The following HK3 variants were observed in gnomAD, a reference collection of about 807,000 sequenced individuals.
HK3 encodes hexokinase-3.
Under a neutral mutation model 91.0 loss-of-function variants are expected in HK3, and 93 were observed. The observed-to-expected ratio is 1.02, with a 90% CI of 0.86 to 1.21. HK3 has a LOEUF of 1.21. HK3 is among the 50% of genes most tolerant of loss of function. The pLI, the probability that HK3 is intolerant of heterozygous loss-of-function variation, is 0.00. For synonymous variants in HK3, 519 were observed against 516.9 expected (o/e 1.00, Z -0.06); for missense variants, 1,235 against 1,247.4 (o/e 0.99, Z 0.15).
Position 176,884,276 on chromosome 5 carries a change from G to A in HK3, c.1858-142C>T, listed in dbSNP as rs759510279. The stretch of plus-strand genomic sequence containing the variant: ...TCCTTGCCTACTTTGCTGTATGGTT[G>A]AAGGCCTTGCCCTCTGCCCGCTCCC... On this transcript the variant is annotated intron_variant, in intron 13 of 18. Transcript: ENST00000292432. This position sits in a 1 kb window ranked among gnomAD's most constrained non-coding sequence, Gnocchi z 4.1. 9.6e-6 allele frequency: 7 copies of A among 732,476 alleles called. No homozygotes were observed. Among genetic ancestry groups the A allele is most frequent in the Non-Finnish European group, 1.7e-5 (7 of 422,984 alleles). The allele number at this position is 732,476 out of a possible 1,614,324, so 45.4% of individuals were successfully genotyped here.
In HK3 at chr5:176,880,889, A is replaced by G. The variant is rs1318228947; in HGVS notation, c.*184T>C. The stretch of plus-strand genomic sequence containing the variant: ...GTGAATGTAAATAAATTATATATAT[A>G]TATTGCTAACCTGAGTGCTACTTCT... On this transcript the variant is annotated 3_prime_UTR_variant, in exon 19 of 19. Coordinates refer to ENST00000292432, the MANE Select transcript of HK3 (RefSeq NM_002115.3). 1 of 570,872 alleles carries G rather than the reference A, an allele frequency of 1.8e-6. No homozygotes were observed. Among genetic ancestry groups the G allele is most frequent in the African/African-American group, 1.9e-5 (1 of 52,554 alleles). The allele number at this position is 570,872 out of a possible 1,614,324, so 35.4% of individuals were successfully genotyped here. A position where few individuals can be genotyped will look rare whatever the true frequency, so the allele number is the denominator to read the frequency against.
chr5:176,882,191 T>A, intron 15 of HK3, 64 bp from the exon 16 acceptor site: 2 of 1,553,662 alleles, frequency 1.3e-6, no homozygotes, highest in South Asian at 2.2e-5. Context: ...TCTGAGCACT[T>A]CCCATACCGA....
rs1423311078 is a variant in HK3, at chr5:176,884,041, G to C, written c.1951C>G (p.Gln651Glu). 1.2e-6 allele frequency: 2 copies of C among 1,613,826 alleles called. No individual in the cohort carries two copies. The change falls in exon 14 of 19, where the codon CAG becomes GAG. Residue 651 changes from glutamine to glutamate, a missense_variant and splice_region_variant. By Grantham distance (29) the Gln-to-Glu change is conservative. This residue lies in a region of HK3 where 513 missense variants were observed against 477.4 expected (regional missense o/e 1.07). Transcript: ENST00000292432. This position sits in a 1 kb window ranked among gnomAD's most constrained non-coding sequence, Gnocchi z 4.1. ...SLLREAITRR[Q>E]AVELNVVAIV... ...GCACCCCTAGAACAGGCTCCTACCT[G>C]TCTGCGAGTGATGGCTTCCCGCAAC...
chr5:176,891,465 G>C lies in HK3; in HGVS notation c.182C>G (p.Ala61Gly). 6.2e-7 allele frequency: 1 copy of C among 1,614,122 alleles called. No homozygotes were observed. The highest frequency in any genetic ancestry group is 1.1e-5 in the South Asian group (1 of 91,080). Residue 61 changes from alanine to glycine, a missense_variant, in exon 3 of 19, where the codon GCG becomes GGG. Ala to Gly is a moderately conservative substitution (Grantham distance 60). Coordinates refer to ENST00000292432, the MANE Select transcript of HK3 (RefSeq NM_002115.3). The part of the protein sequence containing the change: ...QASLLGSMEQ[A>G]LRGQASPAPA... ...GGCAGGGCTGGCCTGTCCCCTCAGCGCCTGCTCCATGGAACCCAAGAGGCT... is the reference window on the plus strand; with the variant it reads ...GGCAGGGCTGGCCTGTCCCCTCAGCCCCTGCTCCATGGAACCCAAGAGGCT...
Position 176,884,510 on chromosome 5 carries a change from GC to G in HK3, c.1858-377del, listed in dbSNP as rs1374798243. Among the ~76,000 whole-genome samples, 2 of 152,178 alleles carry G rather than the reference GC, an allele frequency of 1.3e-5. No individual in the cohort carries two copies. Among genetic ancestry groups the G allele is most frequent in the African/African-American group, 4.8e-5 (2 of 41,432 alleles). ...AGGGGAGGACAGAGAAGGCTCAGAG[GC>G]CCAGATGACAGCAGATCCCACCCTT... On this transcript the variant is annotated intron_variant, in intron 13 of 18. Coordinates refer to ENST00000292432, the MANE Select transcript of HK3 (RefSeq NM_002115.3). The surrounding 1 kb of genome is among the most constrained non-coding windows in gnomAD (Gnocchi z 4.1).
rs565037224 is a variant in HK3, at chr5:176,882,423, A to G, written c.2054-296T>C. Among the ~76,000 whole-genome samples the G allele has an allele frequency of 1.9e-4, 29 of 152,284 alleles. No individual in the cohort carries two copies. In the South Asian group the frequency reaches 5.4e-3, roughly 28 times the overall value. ...CTGTCCTGTCATTCCCCTGGGAGAC[A>G]TGTGACATCCCCCGCCCTCGCCCCT... On this transcript the variant is annotated intron_variant, in intron 15 of 18. Transcript: ENST00000292432.
chr5:176,896,959 A>G (rs1217213728), intron 1 of HK3, among the ~76,000 whole-genome samples: 1 of 146,198 alleles, frequency 6.8e-6, no homozygotes, highest in East Asian at 1.9e-4. Flanking sequence ...GGGTTTTAAC[A>G]GTGAAGTGAT....
chr5:176,889,580 C>T lies in HK3; in HGVS notation c.731-16G>A, dbSNP rs1484800771. 6.2e-7 allele frequency: 1 copy of T among 1,614,124 alleles called. No homozygotes were observed. The highest frequency in any genetic ancestry group is 8.5e-7 in the Non-Finnish European group (1 of 1,179,952). On this transcript the variant is annotated splice_polypyrimidine_tract_variant and intron_variant, in intron 7 of 18. Coordinates refer to ENST00000292432, the MANE Select transcript of HK3 (RefSeq NM_002115.3). Reference sequence around the variant, plus strand: ...GTGCCCGTGTCTGGCAGAGACAACCCTGTCAAGGCCTGCTAGCCAGGCAGC... The same window carrying T: ...GTGCCCGTGTCTGGCAGAGACAACCTTGTCAAGGCCTGCTAGCCAGGCAGC...
At position 176,886,943 on chromosome 5, in the gene HK3, A is replaced by G. The variant is rs1758600098; in HGVS notation, c.1857+59T>C. On this transcript the variant is annotated intron_variant, in intron 13 of 18. Coordinates refer to ENST00000292432, the MANE Select transcript of HK3 (RefSeq NM_002115.3). Reference sequence around the variant, plus strand: ...TTTTCCCCTGCCTCCTGCCCACTCCATGAAGGGTATGTGGGGGCAGGAGGC... The same window carrying G: ...TTTTCCCCTGCCTCCTGCCCACTCCGTGAAGGGTATGTGGGGGCAGGAGGC... 4 of 1,600,438 alleles carry G rather than the reference A, an allele frequency of 2.5e-6. No homozygotes were observed. In the Admixed American group the frequency reaches 6.8e-5, roughly 27 times the overall value.
At chr5:176,885,690 G>A (rs886522868) in intron 13 of HK3, among the ~76,000 whole-genome samples, 3 of 152,050 alleles carry the variant, frequency 2.0e-5, no homozygotes, top group African/African-American at 2.4e-5. Context: ...AAAGTGCTGG[G>A]ATTACAAGCG....
In HK3 at chr5:176,888,715, A is replaced by G. The variant is rs1361308586; in HGVS notation, c.1064T>C (p.Met355Thr). ...CACCATCTCCCCGACTCACTCCTCC[A>G]TCTCAGCCACGTGTTCCAGGAGGAT... ...GSILLEHVAE[M>T]EDPSTGAARV... Residue 355 changes from methionine to threonine, a missense_variant, in exon 9 of 19, where the codon ATG becomes ACG. By Grantham distance (81) the Met-to-Thr change is moderately conservative (BLOSUM62 -1). Around this residue, in one of 3 missense-constraint regions of HK3, gnomAD observed 717 missense variants for 751.6 expected, o/e 0.95. Transcript: ENST00000292432. 1.9e-6 allele frequency: 3 copies of G among 1,614,140 alleles called. No homozygotes were observed. Among genetic ancestry groups the G allele is most frequent in the Non-Finnish European group, 2.5e-6 (3 of 1,179,998 alleles).
intron 13 of HK3, among the ~76,000 whole-genome samples, chr5:176,886,678 G>T (rs1758592097): frequency 6.6e-6 from 1 of 152,148 alleles, no homozygotes; most frequent in Non-Finnish European, 1.5e-5. Flanking sequence ...GCGACCTCAA[G>T]CCCCTGCTAG....
intron 2 of HK3, among the ~76,000 whole-genome samples, chr5:176,892,498 G>C (rs977914863): frequency 1.1e-4 from 17 of 152,058 alleles, no homozygotes; most frequent in African/African-American, 3.9e-4. Flanking sequence ...AAGCCCAGTA[G>C]CTTAAGAGCC....
Position 176,881,475 on chromosome 5 carries a change from G to A in HK3, c.2454C>T (p.Thr818=). The change falls in exon 18 of 19, where the codon ACC becomes ACT. Residue 818 remains threonine (T), a synonymous_variant. Transcript: ENST00000292432. ...CTAGCACCATCAGGGCGTCATCTGA[G>A]GTCAGGGGTAGCCCCAGATCCTCTA... ...AILEDLGLPL[T]SDDALMVLEV... 2 of 1,608,308 alleles carry A rather than the reference G, an allele frequency of 1.2e-6. No individual in the cohort carries two copies. The highest frequency in any genetic ancestry group is 1.6e-4 in the Middle Eastern group (1 of 6,062).
intron 1 of HK3, among the ~76,000 whole-genome samples, chr5:176,896,923 T>G (rs1034076431): frequency 6.8e-6 from 1 of 146,234 alleles, no homozygotes; most frequent in Non-Finnish European, 1.5e-5. Context: ...CTTTATGAGA[T>G]GTAGTGTGCA....
chr5:176,887,439 C>T lies in HK3; in HGVS notation c.1600+12G>A, dbSNP rs775844679. 1 of 1,612,502 alleles carries T rather than the reference C, an allele frequency of 6.2e-7. No homozygotes were observed. ...CCCATGTTTCGGTCCCACACTCAGG[C>T]CAGGTCCTTACCGCTGCCGTCAGGG... is the stretch of plus-strand genomic sequence containing the variant. On this transcript the variant is annotated intron_variant, in intron 11 of 18. Coordinates refer to ENST00000292432, the MANE Select transcript of HK3 (RefSeq NM_002115.3). The surrounding 1 kb of genome is among the most constrained non-coding windows in gnomAD (Gnocchi z 4.9).
At position 176,887,285 on chromosome 5, in the gene HK3, G is replaced by C; in HGVS notation, c.1653C>G (p.Leu551=). ...GCACGCCTGTGGTCACACGTACCAG[G>C]AGGACACGGAAGTTCGTGCCCCCGA... ...LDLGGTNFRV[L]LVRVTTGVQI... Residue 551 remains leucine (L), a synonymous_variant, in exon 12 of 19, where the codon CTC becomes CTG. Coordinates refer to ENST00000292432, the MANE Select transcript of HK3 (RefSeq NM_002115.3). The surrounding 1 kb of genome is among the most constrained non-coding windows in gnomAD (Gnocchi z 4.9). 6.2e-7 allele frequency: 1 copy of C among 1,614,092 alleles called. No homozygotes were observed. The highest frequency in any genetic ancestry group is 8.5e-7 in the Non-Finnish European group (1 of 1,180,026).
rs1165253247 is a variant in HK3, at chr5:176,889,428, G to T, written c.867C>A (p.Thr289=). The change falls in exon 8 of 19, where the codon ACC becomes ACA. Residue 289 remains threonine (T), a synonymous_variant. Coordinates refer to ENST00000292432, the MANE Select transcript of HK3 (RefSeq NM_002115.3). ...DDGALGPVLT[T]FDHTLDHESL... is the part of the protein sequence containing the mutation. ...ACTCATGGTCCAGGGTATGGTCGAA[G>T]GTGGTCAGCACTGGTCCCAGCGCCC... The T allele has an allele frequency of 6.2e-7, 1 of 1,614,080 alleles. No individual in the cohort carries two copies. Among genetic ancestry groups the T allele is most frequent in the Non-Finnish European group, 8.5e-7 (1 of 1,180,034 alleles).
chr5:176,884,517 T>C lies in HK3; in HGVS notation c.1858-383A>G, dbSNP rs1023534075. The stretch of plus-strand genomic sequence containing the variant: ...GACAGAGAAGGCTCAGAGGCCCAGA[T>C]GACAGCAGATCCCACCCTTTCAGAA... On this transcript the variant is annotated intron_variant, in intron 13 of 18. Coordinates refer to ENST00000292432, the MANE Select transcript of HK3 (RefSeq NM_002115.3). This position sits in a 1 kb window ranked among gnomAD's most constrained non-coding sequence, Gnocchi z 4.1. 6.6e-6 allele frequency among the ~76,000 whole-genome samples: 1 copy of C among 152,176 alleles called. No individual in the cohort carries two copies. Among genetic ancestry groups the C allele is most frequent in the African/African-American group, 2.4e-5 (1 of 41,432 alleles).
Sources: gnomAD v4.1 joint callset for allele counts (sites outside exome capture counted in the v4.1 genomes callset) on GRCh38, gnomAD v4.1.1 for gene constraint, gnomAD v4.1.1 regional missense constraint, Gnocchi (gnomAD v3.1) non-coding constraint, MANE v1.5 for transcripts, NCBI Gene and HGNC (gene_info 2026-07-23, HGNC 2026-07-21) for gene names.